The following TRAPPC9 variants were observed in gnomAD, a reference collection of about 807,000 sequenced individuals.
TRAPPC9 encodes the protein IKK2 binding protein.
In TRAPPC9, 83 loss-of-function variants were observed where a neutral mutation model predicts 124.0. The observed-to-expected ratio is 0.67, with a 90% CI of 0.56 to 0.80. TRAPPC9 has a LOEUF of 0.80. TRAPPC9 is among the 30% of genes least tolerant of loss of function. TRAPPC9 has a pLI of 0.00. For missense variants in TRAPPC9, 1,302 were observed against 1,508.3 expected (o/e 0.86, Z 2.27); for synonymous variants, 638 against 617.5 (o/e 1.03, Z -0.49).
At chr8:140,205,777 C>A (rs926948683) in intron 17 of TRAPPC9, among the ~76,000 whole-genome samples, 2 of 152,210 alleles carry the variant, frequency 1.3e-5, no homozygotes, top group African/African-American at 4.8e-5. Context: ...CTCCTACAGT[C>A]TCCATCTCAG....
chr8:140,151,757 G>T (rs1045346478), intron 17 of TRAPPC9, among the ~76,000 whole-genome samples: 1 of 152,132 alleles, frequency 6.6e-6, no homozygotes, highest in Non-Finnish European at 1.5e-5. Context: ...CAGAAGGTCC[G>T]TCATCAGCTA....
chr8:140,152,711 T>C (rs976913593), intron 17 of TRAPPC9, among the ~76,000 whole-genome samples: 2 of 152,120 alleles, frequency 1.3e-5, no homozygotes, highest in South Asian at 4.1e-4. Context: ...TCCATGAGCA[T>C]GGTATGTCTT....
chr8:139,795,525 G>A (rs1822989654), intron 21 of TRAPPC9, among the ~76,000 whole-genome samples: 1 of 147,476 alleles, frequency 6.8e-6, no homozygotes, highest in African/African-American at 2.5e-5. Flanking sequence ...AGGCAATGCA[G>A]CTGATAGGAT....
At chr8:140,407,910 CT>C (rs1418598521) in intron 5 of TRAPPC9, among the ~76,000 whole-genome samples, 11 of 152,200 alleles carry the variant, frequency 7.2e-5, no homozygotes, top group African/African-American at 2.7e-4. Context: ...GTGTGAGCCA[CT>C]GCGTCTAGCT....
intron 19 of TRAPPC9, among the ~76,000 whole-genome samples, chr8:139,966,738 C>A (rs907449403): frequency 6.6e-6 from 1 of 152,108 alleles, no homozygotes; most frequent in Non-Finnish European, 1.5e-5. Flanking sequence ...GCTCAATAAA[C>A]CCCAATGAAA....
chr8:140,265,413 G>A (rs2064607300), intron 15 of TRAPPC9, among the ~76,000 whole-genome samples: 1 of 152,196 alleles, frequency 6.6e-6, no homozygotes, highest in East Asian at 1.9e-4. Context: ...GGTATTTATA[G>A]CTAAGAAATA....
chr8:139,800,843 C>G (rs1328047261), intron 21 of TRAPPC9, among the ~76,000 whole-genome samples: 1 of 149,600 alleles, frequency 6.7e-6, no homozygotes, highest in Non-Finnish European at 1.5e-5. Context: ...CCGTCCGGTA[C>G]CTGTACCTTC....
chr8:140,438,810 G>A (rs550357797), intron 3 of TRAPPC9, among the ~76,000 whole-genome samples: 25 of 152,018 alleles, frequency 1.6e-4, no homozygotes, highest in Admixed American at 5.2e-4. Flanking sequence ...TGCTGCCTCC[G>A]CCTCCCGAGT....
intron 17 of TRAPPC9, among the ~76,000 whole-genome samples, chr8:140,164,661 G>A (rs1474097574): frequency 6.6e-6 from 1 of 152,166 alleles, no homozygotes; most frequent in Admixed American, 6.6e-5. Flanking sequence ...AGCTAGGCAT[G>A]GTCTCCTGGG....
Position 140,443,302 on chromosome 8 carries a change from G to A in TRAPPC9, c.585-4105C>T, listed in dbSNP as rs552084730. Among the ~76,000 whole-genome samples, 270 of 151,684 alleles carry A rather than the reference G, an allele frequency of 1.8e-3. 1 individual carries two copies. The highest frequency in any genetic ancestry group is 2.5e-3 in the Admixed American group (38 of 15,190). On this transcript the variant is annotated intron_variant, in intron 2 of 22. Coordinates refer to ENST00000438773, the MANE Select transcript of TRAPPC9 (RefSeq NM_001160372.4). ...ATACAAAAAATTAGCCAGGCGTGGT[G>A]GTGGGCGCCTGTAGTCCCAGCTAAT...
At chr8:140,023,833 G>A (rs976501200) in intron 18 of TRAPPC9, 104 bp downstream of exon 18, 36 of 1,562,116 alleles carry the variant, frequency 2.3e-5, no homozygotes, top group Admixed American at 1.5e-4. Context: ...CCCATGGCAC[G>A]GATCTGACGG....
chr8:140,211,947 C>G (rs1253793276), intron 17 of TRAPPC9, among the ~76,000 whole-genome samples: 1 of 152,206 alleles, frequency 6.6e-6, no homozygotes, highest in East Asian at 1.9e-4. Context: ...TGGGAACGGA[C>G]AGCAGACGAG....
intron 15 of TRAPPC9, among the ~76,000 whole-genome samples, chr8:140,266,095 T>C (rs1431512151): frequency 6.6e-6 from 1 of 152,218 alleles, no homozygotes; most frequent in Non-Finnish European, 1.5e-5. Flanking sequence ...ATTTCAGCTT[T>C]ATTACAATGA....
chr8:139,825,647 A>T lies in TRAPPC9; in HGVS notation c.3055+60232T>A, dbSNP rs1825573634. On this transcript the variant is annotated intron_variant, in intron 21 of 22. Transcript: ENST00000438773. This position sits in a 1 kb window ranked among gnomAD's most constrained non-coding sequence, Gnocchi z 4.6. Reference sequence around the variant, plus strand: ...GTCACTTCCACCCGGGGGAAATTTCATGGCTCTGGTTTGTTTGCTTTGGGC... The same window carrying T: ...GTCACTTCCACCCGGGGGAAATTTCTTGGCTCTGGTTTGTTTGCTTTGGGC... Among the ~76,000 whole-genome samples the T allele has an allele frequency of 6.6e-6, 1 of 152,088 alleles. No homozygotes were observed. Among genetic ancestry groups the T allele is most frequent in the Non-Finnish European group, 1.5e-5 (1 of 68,006 alleles).
intron 2 of TRAPPC9, among the ~76,000 whole-genome samples, chr8:140,447,205 G>A (rs760017685): frequency 6.6e-6 from 1 of 152,048 alleles, no homozygotes; most frequent in African/African-American, 2.4e-5. Flanking sequence ...AAATGCTACA[G>A]ACTGAACAAG....
At chr8:140,344,083 G>A (rs576287078) in intron 9 of TRAPPC9, among the ~76,000 whole-genome samples, 41 of 152,108 alleles carry the variant, frequency 2.7e-4, no homozygotes, top group Non-Finnish European at 4.6e-4. Flanking sequence ...TAAGAGACAG[G>A]GCCTTTGTGG....
At chr8:140,315,366 C>T (rs1196356050) in intron 9 of TRAPPC9, among the ~76,000 whole-genome samples, 1 of 151,790 alleles carries the variant, frequency 6.6e-6, no homozygotes, top group Non-Finnish European at 1.5e-5. Context: ...ATATGAGCCC[C>T]TGTGTCAGAT....
At chr8:140,077,631 G>A (rs1001260294) in intron 17 of TRAPPC9, among the ~76,000 whole-genome samples, 29 of 152,154 alleles carry the variant, frequency 1.9e-4, no homozygotes, top group African/African-American at 6.5e-4. Context: ...GCTGGTCGAT[G>A]TGATGTGATG....
intron 21 of TRAPPC9, among the ~76,000 whole-genome samples, chr8:139,799,711 A>C (rs918401902): frequency 1.3e-5 from 2 of 152,222 alleles, no homozygotes; most frequent in Non-Finnish European, 2.9e-5. Flanking sequence ...ATGAGCTCTT[A>C]GAGCAGTAAC....
Sources: gnomAD v4.1 joint callset for allele counts (sites outside exome capture counted in the v4.1 genomes callset) on GRCh38, gnomAD v4.1.1 for gene constraint, Gnocchi (gnomAD v3.1) non-coding constraint, MANE v1.5 for transcripts, NCBI Gene and HGNC (gene_info 2026-07-23, HGNC 2026-07-21) for gene names.